MTFR1: variants seen among roughly 807,000 people sequenced by gnomAD.
MTFR1 encodes the protein mitochondrial fission regulator 1.
Under a neutral mutation model 38.8 loss-of-function variants are expected in MTFR1, and 28 were observed. The observed-to-expected ratio is 0.72, with a 90% CI of 0.53 to 0.99. The LOEUF is 0.99. Ranked by LOEUF, MTFR1 falls within the 50% of genes least tolerant of loss-of-function variation. The pLI is 0.00. For missense variants in MTFR1, 358 were observed against 395.5 expected, an observed-to-expected ratio of 0.91 and a Z score of 0.81; for synonymous variants, 145 against 137.0, an observed-to-expected ratio of 1.06 and a Z score of -0.41.
intron 2 of MTFR1, among the ~76,000 whole-genome samples, chr8:65,677,078 T>C (rs1804730797): frequency 7.0e-6 from 1 of 143,596 alleles, no homozygotes; most frequent in Non-Finnish European, 1.5e-5. Flanking sequence ...CTTTTTTTTT[T>C]TTTTTTTTTT....
Position 65,770,119 on chromosome 8 carries a change from TTCTG to T in MTFR1, c.*49-826_*49-823del, listed in dbSNP as rs1458120532. ...ATTTGTCTTATTACTTGCAGTATAC[TTCTG>T]TGTGTGTGTGTGTGTGTGTGTGTGT... On this transcript the variant is annotated intron_variant, in intron 3 of 3. Transcript: ENST00000521247. Among the ~76,000 whole-genome samples, 12 of 120,624 alleles carry T rather than the reference TTCTG, an allele frequency of 9.9e-5. No individual in the cohort carries two copies. The East Asian group carries it at 3.2e-3, about 32-fold the overall frequency. The allele number at this position is 120,624 out of a possible 152,430, so 79.1% of individuals were successfully genotyped here.
At chr8:65,688,349 G>A (rs1320778779) in intron 3 of MTFR1, among the ~76,000 whole-genome samples, 2 of 151,020 alleles carry the variant, frequency 1.3e-5, no homozygotes, top group Admixed American at 1.3e-4. Context: ...GCAGTGAGCC[G>A]AGATCACACC....
At chr8:65,735,728 T>C (rs1360496928) in intron 3 of MTFR1, among the ~76,000 whole-genome samples, 2 of 152,122 alleles carry the variant, frequency 1.3e-5, no homozygotes, top group Non-Finnish European at 2.9e-5. Flanking sequence ...TGAGTTCAAG[T>C]GATCCTCCCG....
chr8:65,720,356 A>G (rs1464072283), intron 3 of MTFR1: 1 of 154,170 alleles, frequency 6.5e-6, no homozygotes, highest in Non-Finnish European at 1.5e-5. Context: ...AATGGGGAAA[A>G]TATACATTCT....
intron 3 of MTFR1, among the ~76,000 whole-genome samples, chr8:65,725,838 A>G (rs918926756): frequency 1.3e-5 from 2 of 152,228 alleles, no homozygotes; most frequent in Non-Finnish European, 2.9e-5. Flanking sequence ...GGAATAATGA[A>G]GCAAACATTT....
At chr8:65,661,614 G>A (rs1376307091) in intron 1 of MTFR1, among the ~76,000 whole-genome samples, 2 of 152,116 alleles carry the variant, frequency 1.3e-5, no homozygotes, top group East Asian at 1.9e-4. Context: ...GGGTGACAGA[G>A]CGAGACTCTG....
chr8:65,681,650 CAT>C (rs886992259), intron 2 of MTFR1, among the ~76,000 whole-genome samples: 9 of 149,122 alleles, frequency 6.0e-5, no homozygotes, highest in African/African-American at 2.2e-4. Flanking sequence ...ACATTCAACA[CAT>C]GTGCTTTTTG....
intron 3 of MTFR1, chr8:65,765,580 G>A (rs1372435072): frequency 7.7e-6 from 1 of 129,696 alleles, no homozygotes; most frequent in African/African-American, 2.9e-5. Flanking sequence ...AGAGTAAAAA[G>A]AAAATGGAAA....
chr8:65,756,630 T>A (rs1244930315), intron 3 of MTFR1, among the ~76,000 whole-genome samples: 1 of 152,194 alleles, frequency 6.6e-6, no homozygotes, highest in East Asian at 1.9e-4. Flanking sequence ...CTCATTTTGT[T>A]TGTACATTGT....
At chr8:65,715,537 C>T (rs1806100403), downstream of MTFR1, among the ~76,000 whole-genome samples, 1 of 151,670 alleles carries the variant, frequency 6.6e-6, no homozygotes, top group Non-Finnish European at 1.5e-5. Flanking sequence ...GCCACCACGC[C>T]CAGCTAATTT....
chr8:65,715,464 G>A (rs1041409308), downstream of MTFR1, among the ~76,000 whole-genome samples: 23 of 150,264 alleles, frequency 1.5e-4, no homozygotes, highest in South Asian at 2.1e-4. Context: ...TGCAACCTCC[G>A]CCACCTGGGT....
chr8:65,725,693 T>C (rs754343169), intron 3 of MTFR1: 10 of 152,090 alleles, frequency 6.6e-5, no homozygotes, highest in Non-Finnish European at 1.3e-4. Flanking sequence ...ACTCACAATA[T>C]TGAATGTTAA....
intron 3 of MTFR1, among the ~76,000 whole-genome samples, chr8:65,756,700 G>A (rs919835679): frequency 1.2e-4 from 19 of 152,242 alleles, no homozygotes; most frequent in African/African-American, 4.1e-4. Context: ...AAACATTTAA[G>A]ATAGTTCATT....
chr8:65,666,440 G>A (rs764920008), intron 1 of MTFR1, among the ~76,000 whole-genome samples: 5 of 152,096 alleles, frequency 3.3e-5, no homozygotes, highest in Admixed American at 6.6e-5. Context: ...TCAAAATTTC[G>A]AATAGGTTTT....
Position 65,704,871 on chromosome 8 carries a change from T to C in MTFR1, c.459T>C (p.Ala153=). 2 of 1,612,192 alleles carry C rather than the reference T, an allele frequency of 1.2e-6. No homozygotes were observed. The highest frequency in any genetic ancestry group is 1.7e-6 in the Non-Finnish European group (2 of 1,178,996). ...GCGCTCTCGAAAATGAACTTGCTGC[T>C]CTCAGAGCTCAGATTGCCAAAATTG... ...KICALENELA[A]LRAQIAKIVT... is the part of the protein sequence containing the mutation. Residue 153 remains alanine, a synonymous_variant, in exon 5 of 8, where the codon GCT becomes GCC. Transcript: ENST00000262146.
intron 3 of MTFR1, among the ~76,000 whole-genome samples, chr8:65,729,298 C>T (rs1383118437): frequency 6.7e-6 from 1 of 148,848 alleles, no homozygotes; most frequent in African/African-American, 2.5e-5. Flanking sequence ...TTACTGTTTT[C>T]ACTGCCTGCC....
At chr8:65,748,649 T>C (rs1807795549) in intron 3 of MTFR1, among the ~76,000 whole-genome samples, 1 of 152,182 alleles carries the variant, frequency 6.6e-6, no homozygotes, top group South Asian at 2.1e-4. Context: ...CAATAAATCA[T>C]CTCTTAATTT....
At chr8:65,692,075 A>G (rs535915608) in intron 3 of MTFR1, among the ~76,000 whole-genome samples, 15 of 152,322 alleles carry the variant, frequency 9.8e-5, no homozygotes, top group African/African-American at 3.6e-4. Flanking sequence ...ATGAGTCCCA[A>G]GGGTAACCTT....
At chr8:65,671,805 C>T (rs896195256) in intron 2 of MTFR1, among the ~76,000 whole-genome samples, 6 of 152,184 alleles carry the variant, frequency 3.9e-5, no homozygotes, top group Non-Finnish European at 7.3e-5. Context: ...TTATTGCCTT[C>T]GTCTGCAAAG....
Sources: gnomAD v4.1 joint callset for allele counts (sites outside exome capture counted in the v4.1 genomes callset) on GRCh38, gnomAD v4.1.1 for gene constraint, MANE v1.5 for transcripts, NCBI Gene and HGNC (gene_info 2026-07-23, HGNC 2026-07-21) for gene names.